The following SH3RF1 variants were observed in gnomAD, a reference collection of about 807,000 sequenced individuals.
The protein encoded by SH3RF1 is E3 ubiquitin-protein ligase SH3RF1.
A neutral mutation model predicts 74.0 loss-of-function variants in SH3RF1; 32 were observed. That is an observed-to-expected ratio of 0.43 (90% CI 0.33 to 0.58). The LOEUF is 0.58. Among genes scored for constraint, SH3RF1 ranks in the 20% least tolerant of loss-of-function variants. The pLI is 0.05. For synonymous variants in SH3RF1, 396 were observed against 439.6 expected (o/e 0.90, Z 1.24); for missense variants, 954 against 1,130.9 (o/e 0.84, Z 2.24).
intron 2 of SH3RF1, among the ~76,000 whole-genome samples, chr4:169,232,225 T>C (rs1730755534): frequency 1.3e-5 from 2 of 152,180 alleles, no homozygotes; most frequent in South Asian, 2.1e-4. Context: ...TTTTGGACTA[T>C]TGTTAAGGAA....
intron 4 of SH3RF1, among the ~76,000 whole-genome samples, chr4:169,136,931 T>A (rs952266981): frequency 3.9e-5 from 6 of 152,246 alleles, no homozygotes; most frequent in Non-Finnish European, 7.3e-5. Context: ...TGAAAATTTA[T>A]TTCAGCTCAC....
At position 169,149,176 on chromosome 4, in the gene SH3RF1, A is replaced by C. The variant is rs551432400; in HGVS notation, c.765+6304T>G. On this transcript the variant is annotated intron_variant, in intron 4 of 11. Coordinates refer to ENST00000284637, the MANE Select transcript of SH3RF1 (RefSeq NM_020870.4). ...TGTTTTCCTGATGGAAAGCAAAAAGAAACTCTTAAATTAGAAAGAAGCCTC... is the reference window on the plus strand; with the variant it reads ...TGTTTTCCTGATGGAAAGCAAAAAGCAACTCTTAAATTAGAAAGAAGCCTC... 6.6e-5 allele frequency among the ~76,000 whole-genome samples: 10 copies of C among 152,330 alleles called. No homozygotes were observed. In the East Asian group the frequency reaches 1.9e-3, roughly 29 times the overall value.
intron 11 of SH3RF1, among the ~76,000 whole-genome samples, chr4:169,097,450 A>G (rs1732950939): frequency 6.6e-6 from 1 of 152,150 alleles, no homozygotes; most frequent in Admixed American, 6.5e-5. Flanking sequence ...TTAGTGGGAA[A>G]GGTGTCATTA....
chr4:169,192,265 C>T (rs1284076666), intron 2 of SH3RF1, among the ~76,000 whole-genome samples: 1 of 151,772 alleles, frequency 6.6e-6, no homozygotes, highest in Non-Finnish European at 1.5e-5. Context: ...AGAAGATATA[C>T]AAATGGCCAA....
chr4:169,136,595 A>G lies in SH3RF1; in HGVS notation c.791T>C (p.Ile264Thr). 1.3e-6 allele frequency: 2 copies of G among 1,547,620 alleles called. No homozygotes were observed. Among genetic ancestry groups the G allele is most frequent in the East Asian group, 2.3e-5 (1 of 42,778 alleles). ...TGGCACAGGAGGCTTATCCCATTCTATCAGCTGCTTAGCAGCCGAGTTAAA... is the reference window on the plus strand; with the variant it reads ...TGGCACAGGAGGCTTATCCCATTCTGTCAGCTGCTTAGCAGCCGAGTTAAA... ...VEFNSAAKQLIEWDKPPVPGV... is the reference protein window; with the variant it reads ...VEFNSAAKQLTEWDKPPVPGV... The change falls in exon 5 of 12, where the codon ATA becomes ACA. Residue 264 changes from isoleucine (I) to threonine (T), a missense_variant. By Grantham distance (89) the Ile-to-Thr change is moderately conservative. This residue lies in a region of SH3RF1 where 854 missense variants were observed against 962.5 expected (regional missense o/e 0.89). Coordinates refer to ENST00000284637, the MANE Select transcript of SH3RF1 (RefSeq NM_020870.4).
At position 169,268,855 on chromosome 4, in the gene SH3RF1, G is replaced by A; in HGVS notation, c.358C>T (p.Gln120Ter). The change falls in exon 2 of 12, where the codon CAG becomes TAG. Residue 120 changes from glutamine (Q) to a stop codon, truncating the protein, a stop_gained. Transcript: ENST00000284637. LOFTEE classifies it high-confidence loss of function. ...GGGCTCCAGGATTGCACCCGAGGCTGCTGTCCGCCCTGGGAGCTCTGCAGA... is the reference window on the plus strand; with the variant it reads ...GGGCTCCAGGATTGCACCCGAGGCTACTGTCCGCCCTGGGAGCTCTGCAGA... ...KDLQSSQGGQ[Q>*]PRVQSWSPPV... 6.2e-7 allele frequency: 1 copy of A among 1,609,112 alleles called. No homozygotes were observed. The highest frequency in any genetic ancestry group is 2.2e-5 in the East Asian group (1 of 44,878).
chr4:169,097,663 ATGGTGGTG>A (rs1732953956), intron 11 of SH3RF1, among the ~76,000 whole-genome samples: 1 of 152,170 alleles, frequency 6.6e-6, no homozygotes, highest in African/African-American at 2.4e-5. Context: ...GGGGAAAAGA[ATGGTGGTG>A]TATGGTAGCC....
chr4:169,191,007 C>A (rs182223277), intron 2 of SH3RF1, among the ~76,000 whole-genome samples: 1 of 152,144 alleles, frequency 6.6e-6, no homozygotes, highest in Non-Finnish European at 1.5e-5. Context: ...AAAAAGCATT[C>A]GACAAAATCC....
chr4:169,260,105 A>C (rs1434422042), intron 2 of SH3RF1, among the ~76,000 whole-genome samples: 1 of 152,158 alleles, frequency 6.6e-6, no homozygotes. Context: ...TAAGGAATGG[A>C]GGTGTGCAAA....
intron 2 of SH3RF1, among the ~76,000 whole-genome samples, chr4:169,186,369 A>G (rs963284091): frequency 6.6e-6 from 1 of 152,010 alleles, no homozygotes; most frequent in Non-Finnish European, 1.5e-5. Flanking sequence ...AAACGAATTT[A>G]TTTGGGCAGT....
At chr4:169,257,033 T>G (rs778497898) in intron 2 of SH3RF1, among the ~76,000 whole-genome samples, 4 of 152,248 alleles carry the variant, frequency 2.6e-5, no homozygotes, top group Non-Finnish European at 4.4e-5. Flanking sequence ...CCTTATCTCA[T>G]GTAATCCTCA....
At chr4:169,241,197 T>C (rs1730903680) in intron 2 of SH3RF1, among the ~76,000 whole-genome samples, 1 of 152,130 alleles carries the variant, frequency 6.6e-6, no homozygotes, top group African/African-American at 2.4e-5. Flanking sequence ...GCCACTGCAC[T>C]CCAGCCTGGG....
At chr4:169,212,609 A>G (rs1730397945) in intron 2 of SH3RF1, among the ~76,000 whole-genome samples, 1 of 151,994 alleles carries the variant, frequency 6.6e-6, no homozygotes, top group Non-Finnish European at 1.5e-5. Flanking sequence ...GTTCCCATAT[A>G]CTCCTAAACA....
At chr4:169,266,509 T>C (rs1310832386) in intron 2 of SH3RF1, among the ~76,000 whole-genome samples, 2 of 152,064 alleles carry the variant, frequency 1.3e-5, no homozygotes, top group Non-Finnish European at 2.9e-5. Context: ...TAGAAATGTA[T>C]TGACCTTTCA....
chr4:169,104,715 A>T (rs1357293364), intron 11 of SH3RF1, among the ~76,000 whole-genome samples: 6 of 152,118 alleles, frequency 3.9e-5, no homozygotes, highest in Non-Finnish European at 8.8e-5. Flanking sequence ...CACCCTGGCC[A>T]AGATGGCAAA....
At chr4:169,112,115 T>C (rs1237395131) in intron 10 of SH3RF1, among the ~76,000 whole-genome samples, 3 of 152,182 alleles carry the variant, frequency 2.0e-5, no homozygotes, top group Admixed American at 2.0e-4. Context: ...ATGTGGGAGA[T>C]GTACCATGGA....
At chr4:169,155,753 G>A (rs1734040521) in intron 3 of SH3RF1, among the ~76,000 whole-genome samples, 178 bp from the exon 4 acceptor site, 1 of 152,176 alleles carries the variant, frequency 6.6e-6, no homozygotes, top group South Asian at 2.1e-4. Flanking sequence ...GTAGCTACCA[G>A]CCCACCTGGT....
Position 169,120,993 on chromosome 4 carries a change from G to A in SH3RF1, c.1347-4C>T, listed in dbSNP as rs532020959. 2 of 1,608,100 alleles carry A rather than the reference G, an allele frequency of 1.2e-6. No individual in the cohort carries two copies. Among genetic ancestry groups the A allele is most frequent in the African/African-American group, 2.7e-5 (2 of 74,908 alleles). On this transcript the variant is annotated splice_polypyrimidine_tract_variant and splice_region_variant and intron_variant, in intron 7 of 11. Transcript: ENST00000284637. ...GTATGGATATATAGCAACATACCTAGAATAGAAAATAATATTTGATTTCAG... is the reference window on the plus strand; with the variant it reads ...GTATGGATATATAGCAACATACCTAAAATAGAAAATAATATTTGATTTCAG...
chr4:169,103,086 ATTTT>A (rs60740517), intron 11 of SH3RF1, among the ~76,000 whole-genome samples: 284 of 87,102 alleles, frequency 3.3e-3, no homozygotes, highest in South Asian at 0.03. Context: ...GCGCCTGGCT[ATTTT>A]TTTTTTTTTT....
Sources: gnomAD v4.1 joint callset for allele counts (sites outside exome capture counted in the v4.1 genomes callset) on GRCh38, gnomAD v4.1.1 for gene constraint, gnomAD v4.1.1 regional missense constraint, MANE v1.5 for transcripts, NCBI Gene and HGNC (gene_info 2026-07-23, HGNC 2026-07-21) for gene names.